Variants in FBXW4 observed in about 807,000 individuals in gnomAD.
FBXW4 encodes the protein F-box and WD repeat domain containing 4, also known as F-box/WD repeat-containing protein 4.
Under a neutral mutation model 61.8 loss-of-function variants are expected in FBXW4, and 40 were observed. That is an observed-to-expected ratio of 0.65 (90% CI 0.50 to 0.84). The LOEUF (loss-of-function observed/expected upper bound fraction) is 0.84. FBXW4 is among the 40% of genes least tolerant of loss of function. The pLI, the probability that FBXW4 is intolerant of heterozygous loss-of-function variation, is 0.00. For synonymous variants in FBXW4, 311 were observed against 313.8 expected, an observed-to-expected ratio of 0.99 and a Z score of 0.10; for missense variants, 672 against 753.8, an observed-to-expected ratio of 0.89 and a Z score of 1.27.
At chr10:101,653,768 C>T (rs2064163126) in intron 5 of FBXW4, among the ~76,000 whole-genome samples, 1 of 152,202 alleles carries the variant, frequency 6.6e-6, no homozygotes, top group Non-Finnish European at 1.5e-5. Flanking sequence ...AACAAACAGT[C>T]TCTTGTGTTT....
chr10:101,691,921 ATCT>A (rs1280681335), intron 1 of FBXW4, among the ~76,000 whole-genome samples: 2 of 152,222 alleles, frequency 1.3e-5, no homozygotes, highest in Admixed American at 6.5e-5. Context: ...GAGTAGAGTA[ATCT>A]TCTACATTCA....
intron 6 of FBXW4, among the ~76,000 whole-genome samples, chr10:101,617,351 G>A (rs1168568282): frequency 6.6e-6 from 1 of 152,202 alleles, no homozygotes; most frequent in Admixed American, 6.5e-5. Context: ...CTTGCCCCAA[G>A]AGTTACCCAG....
In FBXW4 at chr10:101,695,078, G is replaced by A. The variant is rs1441543883; in HGVS notation, c.28C>T (p.Pro10Ser). Residue 10 changes from proline (P) to serine (S), a missense_variant, in exon 1 of 9, where the codon CCC becomes TCC. By Grantham distance (74) the Pro-to-Ser change is moderately conservative (BLOSUM62 -1). Transcript: ENST00000331272. The surrounding 1 kb of genome is among the most constrained non-coding windows in gnomAD (Gnocchi z 4.2). Reference protein sequence around the residue: MGSQGRSGPPGNGGPGEGEG... With the variant: MGSQGRSGPSGNGGPGEGEG... The stretch of plus-strand genomic sequence containing the variant: ...CCCTCGCCGGGCCCGCCGTTCCCGG[G>A]GGGCCCCGAGCGGCCCTGGCTGCCC... 8 of 989,098 alleles carry A rather than the reference G, an allele frequency of 8.1e-6. No homozygotes were observed. The highest frequency in any genetic ancestry group is 1.2e-4 in the Admixed American group (2 of 16,326). The allele number at this position is 989,098 out of a possible 1,614,324, so 61.3% of individuals were successfully genotyped here.
chr10:101,672,312 G>A (rs1020548769), intron 4 of FBXW4, among the ~76,000 whole-genome samples: 1 of 152,210 alleles, frequency 6.6e-6, no homozygotes, highest in Non-Finnish European at 1.5e-5. Context: ...ATTTGATCCA[G>A]ATGTGGATGA....
At chr10:101,618,763 T>C (rs988237668) in intron 6 of FBXW4, among the ~76,000 whole-genome samples, 3 of 152,136 alleles carry the variant, frequency 2.0e-5, no homozygotes, top group Admixed American at 6.5e-5. Context: ...GGACCTACTA[T>C]GACACCTTCA....
At chr10:101,664,386 A>G (rs900216047) in intron 5 of FBXW4, among the ~76,000 whole-genome samples, 1 of 152,230 alleles carries the variant, frequency 6.6e-6, no homozygotes. Context: ...ATAAGGGAGC[A>G]ACAAAGGGTT....
chr10:101,629,415 CTGAGT>C (rs1022062529), intron 5 of FBXW4, among the ~76,000 whole-genome samples: 2 of 152,054 alleles, frequency 1.3e-5, no homozygotes, highest in East Asian at 1.9e-4. Flanking sequence ...CCCCCAGTAG[CTGAGT>C]TAACAGGTGC....
rs922376579 is a variant in FBXW4 at position 101,611,340 on chromosome 10, T to A, written c.1655A>T (p.Tyr552Phe). 3.1e-6 allele frequency: 5 copies of A among 1,613,814 alleles called. No homozygotes were observed. The highest frequency in any genetic ancestry group is 1.3e-5 in the African/African-American group (1 of 74,854). Residue 552 changes from tyrosine (Y) to phenylalanine (F), a missense_variant, in exon 9 of 9, where the codon TAT becomes TTT. This residue lies in a region of FBXW4 where 312 missense variants were observed against 370.1 expected (regional missense o/e 0.84). Transcript: ENST00000331272. This position sits in a 1 kb window ranked among gnomAD's most constrained non-coding sequence, Gnocchi z 4.9. ...YCLRLTTKHL[Y>F]AALSYNLHVL... ...GTGGAGGTTGTAAGACAGGGCAGCA[T>A]AGAGATGCTTGGTGGTGAGACGCAG...
chr10:101,627,920 T>C (rs552137701), intron 5 of FBXW4: 1 of 981,544 alleles, frequency 1.0e-6, no homozygotes, highest in South Asian at 4.7e-5. Context: ...TCACAGGCAG[T>C]CTCACTGGCC....
At chr10:101,693,752 G>A (rs2064636415) in intron 1 of FBXW4, among the ~76,000 whole-genome samples, 1 of 152,072 alleles carries the variant, frequency 6.6e-6, no homozygotes, top group Non-Finnish European at 1.5e-5. Context: ...CCAAAAACAG[G>A]CCAAATTGCA....
intron 1 of FBXW4, among the ~76,000 whole-genome samples, chr10:101,690,985 G>A (rs1186085938): frequency 6.6e-6 from 1 of 152,110 alleles, no homozygotes; most frequent in African/African-American, 2.4e-5. Context: ...GCTTAATGCT[G>A]TACTAGCCAG....
chr10:101,664,955 C>T (rs10883673), intron 5 of FBXW4, among the ~76,000 whole-genome samples: 110,254 of 152,032 alleles, frequency 0.73, 40,315 homozygotes, highest in East Asian at 0.96. Context: ...TTTAATATGA[C>T]GAAACTGAGG....
rs2064408648 is a variant in FBXW4 at position 101,676,406 on chromosome 10, C to T, written c.756G>A (p.Val252=). ...CCAGTCTCCAGTTCTGAGACACCTT[C>T]ACTCGTTCCTTCACTGGGACACTGG... The part of the protein sequence containing the change: ...LMTSVPVKER[V]KVSQNWRLGR... Residue 252 remains valine, a synonymous_variant, in exon 2 of 9, where the codon GTG becomes GTA. Coordinates refer to ENST00000331272, the MANE Select transcript of FBXW4 (RefSeq NM_022039.4). The T allele has an allele frequency of 6.2e-7, 1 of 1,613,712 alleles. No individual in the cohort carries two copies. Among genetic ancestry groups the T allele is most frequent in the Non-Finnish European group, 8.5e-7 (1 of 1,179,872 alleles).
At chr10:101,621,087 C>G (rs2063863583) in intron 6 of FBXW4, among the ~76,000 whole-genome samples, 1 of 152,160 alleles carries the variant, frequency 6.6e-6, no homozygotes, top group Admixed American at 6.5e-5. Flanking sequence ...ACACAAGGCC[C>G]AGCTATGTAA....
At chr10:101,624,861 G>A in intron 5 of FBXW4, 51 bp from the exon 6 acceptor site, 1 of 1,589,230 alleles carries the variant, frequency 6.3e-7, no homozygotes, top group Non-Finnish European at 8.6e-7. Flanking sequence ...AGAACCTGTG[G>A]TGGAAATGGC....
intron 5 of FBXW4, chr10:101,660,300 A>G: frequency 1.1e-6 from 1 of 869,780 alleles, no homozygotes; most frequent in Non-Finnish European, 1.3e-6. Context: ...AGTGGCTACA[A>G]TTACACACTT....
intron 5 of FBXW4, among the ~76,000 whole-genome samples, chr10:101,666,307 T>A (rs1445116030): frequency 6.6e-6 from 1 of 152,170 alleles, no homozygotes; most frequent in Non-Finnish European, 1.5e-5. Context: ...ATCGTCAATA[T>A]GCTAAGGAAT....
chr10:101,613,689 C>T (rs557466773), intron 6 of FBXW4, among the ~76,000 whole-genome samples: 83 of 152,344 alleles, frequency 5.4e-4, no homozygotes, highest in Non-Finnish European at 9.3e-4. Context: ...TTCTCCCCAA[C>T]AGAGCTGCCA....
Position 101,676,133 on chromosome 10 carries a change from A to G in FBXW4, c.821+208T>C, listed in dbSNP as rs137874495. On this transcript the variant is annotated intron_variant, in intron 2 of 8. Transcript: ENST00000331272. ...TTGATTTCTTTATAATCATAAAAAAAGTCATTTGTTAAAGTACATTTCTTG... is the reference window on the plus strand; with the variant it reads ...TTGATTTCTTTATAATCATAAAAAAGGTCATTTGTTAAAGTACATTTCTTG... 2.3e-4 allele frequency among the ~76,000 whole-genome samples: 35 copies of G among 152,328 alleles called. No individual in the cohort carries two copies. In the East Asian group the frequency reaches 6.6e-3, roughly 29 times the overall value.
Sources: allele counts gnomAD v4.1 joint callset (sites outside exome capture counted in the v4.1 genomes callset), GRCh38; gene constraint gnomAD v4.1.1; regional missense constraint gnomAD v4.1.1; non-coding constraint Gnocchi (gnomAD v3.1); transcripts MANE v1.5; gene names NCBI Gene and HGNC (gene_info 2026-07-23, HGNC 2026-07-21).